Variants in TTLL5 observed in about 807,000 individuals in gnomAD.
TTLL5 encodes tubulin polyglutamylase TTLL5.
In TTLL5, 132 loss-of-function variants were observed where a neutral mutation model predicts 168.4. That is an observed-to-expected ratio of 0.78 (90% CI 0.68 to 0.91). The LOEUF (loss-of-function observed/expected upper bound fraction) is 0.91. Among genes scored for constraint, TTLL5 ranks in the 40% least tolerant of loss-of-function variants. The probability of loss-of-function intolerance (pLI) is 0.00; values close to 1 mark genes in which losing one functional copy is unlikely to be tolerated. For missense variants in TTLL5, 1,545 were observed against 1,581.5 expected (o/e 0.98, Z 0.39); for synonymous variants, 546 against 558.6 (o/e 0.98, Z 0.32).
intron 31 of TTLL5, among the ~76,000 whole-genome samples, chr14:75,947,405 G>C (rs1211969325): frequency 6.6e-6 from 1 of 151,950 alleles, no homozygotes; most frequent in Non-Finnish European, 1.5e-5. Flanking sequence ...AATAAAGAGG[G>C]TCACTACATT....
chr14:75,929,597 T>G (rs936212228), intron 31 of TTLL5, among the ~76,000 whole-genome samples: 87 of 151,914 alleles, frequency 5.7e-4, no homozygotes, highest in African/African-American at 2.0e-3. Context: ...GGATTACAGG[T>G]GCCCACTACC....
intron 12 of TTLL5, among the ~76,000 whole-genome samples, chr14:75,729,711 C>A (rs1421076407): frequency 6.6e-6 from 1 of 152,140 alleles, no homozygotes; most frequent in Non-Finnish European, 1.5e-5. Context: ...TAGTTAGATT[C>A]AAGGCTGGAT....
chr14:75,925,195 C>G (rs2033990112), intron 31 of TTLL5, among the ~76,000 whole-genome samples: 2 of 149,432 alleles, frequency 1.3e-5, no homozygotes, highest in Admixed American at 1.3e-4. Context: ...GCTGACCCCC[C>G]CACCTCCCTC....
At chr14:75,862,834 T>C (rs2030139571) in intron 28 of TTLL5, among the ~76,000 whole-genome samples, 1 of 152,036 alleles carries the variant, frequency 6.6e-6, no homozygotes, top group Admixed American at 6.6e-5. Flanking sequence ...GAATCCCAGC[T>C]TCTCAGGAGG....
At chr14:75,867,932 G>T (rs1315122856) in intron 29 of TTLL5, among the ~76,000 whole-genome samples, 1 of 152,148 alleles carries the variant, frequency 6.6e-6, no homozygotes, top group Non-Finnish European at 1.5e-5. Flanking sequence ...GAAGGCAAAA[G>T]AAAACTTTTC....
At chr14:75,785,834 A>G (rs1388840192) in intron 26 of TTLL5, among the ~76,000 whole-genome samples, 1 of 152,094 alleles carries the variant, frequency 6.6e-6, no homozygotes, top group Non-Finnish European at 1.5e-5. Flanking sequence ...CTTTTTCAAG[A>G]TTGTTTAGGC....
intron 9 of TTLL5, among the ~76,000 whole-genome samples, chr14:75,708,780 T>G (rs980647692): frequency 2.0e-5 from 3 of 152,218 alleles, no homozygotes; most frequent in African/African-American, 7.2e-5. Context: ...GTAACTACTA[T>G]GCTGTGTTCT....
At chr14:75,913,507 A>C (rs1300229223) in intron 31 of TTLL5, among the ~76,000 whole-genome samples, 1 of 152,210 alleles carries the variant, frequency 6.6e-6, no homozygotes, top group Non-Finnish European at 1.5e-5. Flanking sequence ...AGTGGACTCT[A>C]AAACTCTAGG....
At chr14:75,805,209 C>T (rs147852615) in intron 27 of TTLL5, among the ~76,000 whole-genome samples, 65 of 152,326 alleles carry the variant, frequency 4.3e-4, no homozygotes, top group Middle Eastern at 3.4e-3. Flanking sequence ...CTATTATCAA[C>T]GGCTTCTTAG....
At position 75,914,033 on chromosome 14, in the gene TTLL5, A is replaced by AATATATATATATATAT. The variant is rs1182456559; in HGVS notation, c.3823+11816_3823+11831dup. ...GTTTAAAAGGAAAAAAAAAAAAAAA[A>AATATATATATATATAT]ATATATATATATATATATATATTTT... is the stretch of plus-strand genomic sequence containing the variant. On this transcript the variant is annotated intron_variant, in intron 31 of 31. Transcript: ENST00000298832. 7.2e-4 allele frequency among the ~76,000 whole-genome samples: 51 copies of AATATATATATATATAT among 71,072 alleles called. 3 individuals carry two copies. In the African/African-American group the frequency reaches 7.8e-3, roughly 11 times the overall value. The allele number at this position is 71,072 out of a possible 152,430, so 46.6% of individuals were successfully genotyped here.
At chr14:75,704,759 G>C (rs981229635) in intron 7 of TTLL5, among the ~76,000 whole-genome samples, 2 of 152,172 alleles carry the variant, frequency 1.3e-5, no homozygotes, top group Admixed American at 1.3e-4. Flanking sequence ...TTTTCTTCTG[G>C]GAGTCTACAG....
At chr14:75,902,249 A>C (rs572334506) in intron 31 of TTLL5, 25 bp downstream of exon 31, 143 of 1,611,294 alleles carry the variant, frequency 8.9e-5, no homozygotes, top group Non-Finnish European at 1.1e-4. Flanking sequence ...GCTCTTCTGC[A>C]ACTGGATAGA....
intron 9 of TTLL5, among the ~76,000 whole-genome samples, chr14:75,714,613 A>G (rs929783027): frequency 6.6e-6 from 1 of 152,064 alleles, no homozygotes; most frequent in African/African-American, 2.4e-5. Context: ...TACTATCATG[A>G]TTTATTTTGA....
At chr14:75,857,515 C>T (rs1171063024) in intron 28 of TTLL5, among the ~76,000 whole-genome samples, 3 of 151,282 alleles carry the variant, frequency 2.0e-5, no homozygotes, top group Admixed American at 1.3e-4. Flanking sequence ...TTTTTTTGTA[C>T]TATCTTTGTC....
chr14:75,912,373 C>T (rs781332137), intron 31 of TTLL5, among the ~76,000 whole-genome samples: 2 of 152,160 alleles, frequency 1.3e-5, no homozygotes, highest in Non-Finnish European at 2.9e-5. Flanking sequence ...ACAAAGCTGC[C>T]AATGTATGCA....
In TTLL5 at chr14:75,775,598, C is replaced by G. The variant is rs1213088622; in HGVS notation, c.2251C>G (p.Gln751Glu). ...LLERRRILAH[Q>E]LGDFIIVYNK... The stretch of plus-strand genomic sequence containing the variant: ...GGAACGCAGAAGAATCCTGGCCCAC[C>G]AGCTGGGTGACTTTATCATTGTATA... The change falls in exon 22 of 32, where the codon CAG (glutamine) becomes GAG (glutamate). Residue 751 changes from glutamine (Q) to glutamate (E), a missense_variant. Gln to Glu is a conservative substitution (Grantham distance 29). Transcript: ENST00000298832. The G allele has an allele frequency of 1.9e-5, 30 of 1,613,954 alleles. No homozygotes were observed. Among genetic ancestry groups the G allele is most frequent in the Non-Finnish European group, 2.5e-5 (29 of 1,179,980 alleles).
At chr14:75,908,279 G>T (rs1200813098) in intron 31 of TTLL5, among the ~76,000 whole-genome samples, 1 of 152,266 alleles carries the variant, frequency 6.6e-6, no homozygotes, top group Non-Finnish European at 1.5e-5. Context: ...AAGCTGCAGA[G>T]TCAGGCCCAC....
chr14:75,952,263 C>T (rs1055621065), intron 31 of TTLL5, among the ~76,000 whole-genome samples: 1 of 151,964 alleles, frequency 6.6e-6, no homozygotes, highest in African/African-American at 2.4e-5. Context: ...TCACTTGAGC[C>T]GAAGAGTTTG....
chr14:75,832,111 C>T (rs1434810364), intron 28 of TTLL5, among the ~76,000 whole-genome samples: 1 of 152,156 alleles, frequency 6.6e-6, no homozygotes, highest in East Asian at 1.9e-4. Context: ...ACCCCCACCC[C>T]CACAGCAAGT....
Sources: allele counts gnomAD v4.1 joint callset (sites outside exome capture counted in the v4.1 genomes callset), GRCh38; gene constraint gnomAD v4.1.1; transcripts MANE v1.5; gene names NCBI Gene and HGNC (gene_info 2026-07-23, HGNC 2026-07-21).